CACNA1C: variants seen among roughly 807,000 people sequenced by gnomAD.
The protein encoded by CACNA1C is voltage-dependent L-type calcium channel subunit alpha-1C.
CACNA1C carries 30 observed loss-of-function variants against 229.0 expected under a neutral mutation model. The ratio of observed to expected loss-of-function variants is 0.13; its 90% CI spans 0.10 to 0.18. CACNA1C has a LOEUF of 0.18. CACNA1C is among the 10% of genes least tolerant of loss of function. The pLI is 1.00. For synonymous variants in CACNA1C, 1,114 were observed against 1,132.5 expected (o/e 0.98, Z 0.33); for missense variants, 1,658 against 2,845.0 (o/e 0.58, Z 9.49).
chr12:2,286,216 T>C (rs536385475), intron 3 of CACNA1C, among the ~76,000 whole-genome samples: 6 of 152,352 alleles, frequency 3.9e-5, no homozygotes, highest in African/African-American at 1.4e-4. Flanking sequence ...CTGCTTGACC[T>C]TCCATTTAGA....
rs2073050146 is a variant in CACNA1C, at chr12:2,602,545, G to A, written c.2960+585G>A. Among the ~76,000 whole-genome samples the A allele has an allele frequency of 6.6e-6, 1 of 151,306 alleles. No individual in the cohort carries two copies. The highest frequency in any genetic ancestry group is 1.5e-5 in the Non-Finnish European group (1 of 67,544). ...TGTTTGTGTTTGTGTCTGCATATGT[G>A]TCTATGGACGTGAATGTATATGTGT... On this transcript the variant is annotated intron_variant, in intron 22 of 46. Coordinates refer to ENST00000399655, the MANE Select transcript of CACNA1C (RefSeq NM_000719.7). This position sits in a 1 kb window ranked among gnomAD's most constrained non-coding sequence, Gnocchi z 4.4.
chr12:2,458,420 G>A (rs2099460153), intron 5 of CACNA1C, among the ~76,000 whole-genome samples: 1 of 152,208 alleles, frequency 6.6e-6, no homozygotes, highest in Non-Finnish European at 1.5e-5. Flanking sequence ...GTGGCTTCAG[G>A]CCCCCTGGGA....
At chr12:2,618,572 A>G (rs2081813371) in intron 29 of CACNA1C, among the ~76,000 whole-genome samples, 1 of 152,224 alleles carries the variant, frequency 6.6e-6, no homozygotes, top group African/African-American at 2.4e-5. Flanking sequence ...TGCCAGGGCC[A>G]GAATTCCTCT....
chr12:2,579,622 C>A (rs1258525640), intron 13 of CACNA1C, among the ~76,000 whole-genome samples: 3 of 151,930 alleles, frequency 2.0e-5, no homozygotes, highest in Non-Finnish European at 1.5e-5. Context: ...ACTCCGTCAC[C>A]CAGGATGAAG....
rs181882099 is a variant in CACNA1C at position 2,325,383 on chromosome 12, C to T, written c.478-123593C>T. ...GAGCACCTTGTTTTCACAGAGGCAA[C>T]GTGTTTTAACAGAGGACTCCTGGAA... is the stretch of plus-strand genomic sequence containing the variant. On this transcript the variant is annotated intron_variant, in intron 3 of 46. Coordinates refer to ENST00000399655, the MANE Select transcript of CACNA1C (RefSeq NM_000719.7). Among the ~76,000 whole-genome samples the T allele has an allele frequency of 5.5e-3, 833 of 152,304 alleles. 16 individuals are homozygous for T. The highest frequency in any genetic ancestry group is 2.1e-3 in the Non-Finnish European group (140 of 68,030).
chr12:2,563,453 G>A (rs191201906), intron 11 of CACNA1C, among the ~76,000 whole-genome samples: 66 of 152,290 alleles, frequency 4.3e-4, no homozygotes, highest in African/African-American at 1.5e-3. Context: ...GGCCAGTGTC[G>A]CATGTTAAGG....
chr12:1,972,637 C>G (rs1358999008), intron 1 of CACNA1C, among the ~76,000 whole-genome samples: 1 of 152,180 alleles, frequency 6.6e-6, no homozygotes, highest in Non-Finnish European at 1.5e-5. Flanking sequence ...TAATCTGTTT[C>G]CCCTAAAACA....
rs2092894185 is a variant in CACNA1C, at chr12:2,287,603, C to T, written c.478-161373C>T. On this transcript the variant is annotated intron_variant, in intron 3 of 46. Transcript: ENST00000399655. The surrounding 1 kb of genome is among the most constrained non-coding windows in gnomAD (Gnocchi z 4.6). ...TGTGATTCTTTAAGTTAGTAATTCT[C>T]ATCCCTGGCCACACATAAGAATCAT... 6.6e-6 allele frequency among the ~76,000 whole-genome samples: 1 copy of T among 152,156 alleles called. No individual in the cohort carries two copies. The highest frequency in any genetic ancestry group is 1.5e-5 in the Non-Finnish European group (1 of 68,044).
chr12:2,328,753 T>C (rs1176392442), intron 3 of CACNA1C, among the ~76,000 whole-genome samples: 1 of 152,222 alleles, frequency 6.6e-6, no homozygotes, highest in Non-Finnish European at 1.5e-5. Context: ...ATGGGGGCTT[T>C]TACTGTGTCA....
At chr12:2,004,645 G>A in intron 1 of CACNA1C, 1 of 647,120 alleles carries the variant, frequency 1.5e-6, no homozygotes, top group East Asian at 2.9e-5. Flanking sequence ...CGTTGCCACT[G>A]GCAACGACAA....
intron 3 of CACNA1C, among the ~76,000 whole-genome samples, chr12:2,367,963 G>A (rs1051402785): frequency 1.3e-5 from 2 of 151,838 alleles, no homozygotes; most frequent in Admixed American, 6.6e-5. Context: ...GTACACAGAT[G>A]AAAAAAGAAA....
rs545752551 is a variant in CACNA1C at position 2,242,472 on chromosome 12, C to T, written c.477+122042C>T. 1.4e-4 allele frequency among the ~76,000 whole-genome samples: 22 copies of T among 152,252 alleles called. No individual in the cohort carries two copies. In the South Asian group the frequency reaches 1.9e-3, roughly 13 times the overall value. ...GGTCATCACTGAGGAAGTCTGTGCC[C>T]GCTGTTATGAGCTCTTCTGACTTTT... On this transcript the variant is annotated intron_variant, in intron 3 of 46. Coordinates refer to ENST00000399655, the MANE Select transcript of CACNA1C (RefSeq NM_000719.7).
At chr12:2,148,185 C>A (rs1302137736) in intron 3 of CACNA1C, among the ~76,000 whole-genome samples, 1 of 151,328 alleles carries the variant, frequency 6.6e-6, no homozygotes, top group Non-Finnish European at 1.5e-5. Context: ...ATCATCCACA[C>A]AACCACAGAA....
chr12:2,671,482 C>G (rs2096567113), intron 38 of CACNA1C, among the ~76,000 whole-genome samples: 1 of 152,134 alleles, frequency 6.6e-6, no homozygotes, highest in Non-Finnish European at 1.5e-5. Context: ...AATGTTACTC[C>G]CCTATGTTCA....
chr12:2,146,154 G>A (rs561263971), intron 3 of CACNA1C, among the ~76,000 whole-genome samples: 1 of 151,168 alleles, frequency 6.6e-6, no homozygotes, highest in African/African-American at 2.4e-5. Context: ...TCCCTGTCAC[G>A]TTTAGATTGG....
Position 2,679,339 on chromosome 12 carries a change from C to T in CACNA1C, c.5092-105C>T, listed in dbSNP as rs74057327. The T allele has an allele frequency of 7.5e-5, 63 of 844,564 alleles. No homozygotes were observed. Among genetic ancestry groups the T allele is most frequent in the African/African-American group, 4.8e-4 (28 of 58,670 alleles). 52.3% of individuals were successfully genotyped at this position (844,564 alleles called of 1,614,324 possible). On this transcript the variant is annotated intron_variant, in intron 41 of 46. Coordinates refer to ENST00000399655, the MANE Select transcript of CACNA1C (RefSeq NM_000719.7). This position sits in a 1 kb window ranked among gnomAD's most constrained non-coding sequence, Gnocchi z 5.5. Reference sequence around the variant, plus strand: ...TGTGCCTACCCGAAAGAAGGCAGCCCGCCTTCCCAGGCCCTGCACTTCCCT... The same window carrying T: ...TGTGCCTACCCGAAAGAAGGCAGCCTGCCTTCCCAGGCCCTGCACTTCCCT...
intron 18 of CACNA1C, among the ~76,000 whole-genome samples, chr12:2,590,926 T>C (rs1472258053): frequency 1.3e-5 from 2 of 152,238 alleles, no homozygotes; most frequent in African/African-American, 4.8e-5. Context: ...TGAAATACCA[T>C]GATTTAGGCC....
At chr12:2,292,516 G>A (rs148172507) in intron 3 of CACNA1C, among the ~76,000 whole-genome samples, 105 of 152,286 alleles carry the variant, frequency 6.9e-4, no homozygotes, top group African/African-American at 2.4e-3. Context: ...GACAGCCCAC[G>A]TTTGAAACCT....
intron 31 of CACNA1C, among the ~76,000 whole-genome samples, chr12:2,650,651 C>T (rs1441526160): frequency 1.3e-5 from 2 of 152,150 alleles, no homozygotes; most frequent in Admixed American, 6.5e-5. Flanking sequence ...AGGCAGAGGA[C>T]CGCAGGGCAG....
Sources: allele counts gnomAD v4.1 joint callset (sites outside exome capture counted in the v4.1 genomes callset), GRCh38; gene constraint gnomAD v4.1.1; non-coding constraint Gnocchi (gnomAD v3.1); transcripts MANE v1.5; gene names NCBI Gene and HGNC (gene_info 2026-07-23, HGNC 2026-07-21).